EPHB1: variants seen among roughly 807,000 people sequenced by gnomAD.
The protein encoded by EPHB1 is EPH receptor B1, also known as ephrin type-B receptor 1.
Under a neutral mutation model 94.4 loss-of-function variants are expected in EPHB1, and 30 were observed. The ratio of observed to expected loss-of-function variants is 0.32; its 90% CI spans 0.24 to 0.43. The LOEUF (loss-of-function observed/expected upper bound fraction) is 0.43, where lower values mean the gene tolerates loss of function less well. Ranked by LOEUF, EPHB1 falls within the 20% of genes least tolerant of loss-of-function variation. EPHB1 has a pLI of 1.00. For missense variants in EPHB1, 1,055 were observed against 1,308.3 expected, an observed-to-expected ratio of 0.81 and a Z score of 2.99; for synonymous variants, 522 against 489.1, an observed-to-expected ratio of 1.07 and a Z score of -0.89.
intron 1 of EPHB1, among the ~76,000 whole-genome samples, chr3:134,882,775 T>TTTCG: frequency 3.0e-5 from 1 of 33,412 alleles, no homozygotes; most frequent in East Asian, 7.1e-4. Flanking sequence ...CCTTTCTTTC[T>TTTCG]TTCTTTCTTT....
intron 10 of EPHB1, among the ~76,000 whole-genome samples, chr3:135,183,651 A>T (rs1942251624): frequency 6.6e-6 from 1 of 152,168 alleles, no homozygotes; most frequent in African/African-American, 2.4e-5. Context: ...TGGAGATGGG[A>T]GAGAAGGCTT....
chr3:135,042,420 A>G (rs1936880573), intron 3 of EPHB1, among the ~76,000 whole-genome samples: 1 of 152,266 alleles, frequency 6.6e-6, no homozygotes, highest in Non-Finnish European at 1.5e-5. Context: ...GATTTTTCAC[A>G]AAGAACAGTA....
chr3:135,173,623 G>A (rs1408559259), intron 9 of EPHB1, among the ~76,000 whole-genome samples: 1 of 152,138 alleles, frequency 6.6e-6, no homozygotes, highest in East Asian at 1.9e-4. Context: ...AGAGGTCGGT[G>A]GGGCAGACTA....
chr3:134,842,978 A>G (rs977168355), intron 1 of EPHB1, among the ~76,000 whole-genome samples: 11 of 152,162 alleles, frequency 7.2e-5, no homozygotes, highest in Admixed American at 7.2e-4. Context: ...TACCATTTCC[A>G]GTGCTTTTCA....
intron 1 of EPHB1, among the ~76,000 whole-genome samples, chr3:134,896,869 C>A (rs970246619): frequency 6.6e-6 from 1 of 152,210 alleles, no homozygotes; most frequent in Non-Finnish European, 1.5e-5. Context: ...TGGAGGTTGG[C>A]GAAGGGTGAG....
intron 2 of EPHB1, among the ~76,000 whole-genome samples, chr3:134,941,752 G>GACAC (rs3067391): frequency 0.067 from 9,031 of 134,674 alleles, 390 homozygotes; most frequent in Admixed American, 0.12. Flanking sequence ...TATGCACACA[G>GACAC]ACACACACAC....
intron 13 of EPHB1, among the ~76,000 whole-genome samples, chr3:135,243,089 A>G (rs1177251150): frequency 7.8e-5 from 7 of 89,624 alleles, no homozygotes; most frequent in African/African-American, 1.5e-4. Flanking sequence ...AAAAAAAAAA[A>G]AAAAAGAAAA....
intron 2 of EPHB1, among the ~76,000 whole-genome samples, chr3:134,928,215 A>G (rs2038832693): frequency 6.6e-6 from 1 of 152,074 alleles, no homozygotes; most frequent in South Asian, 2.1e-4. Flanking sequence ...CTGATTCTTG[A>G]CTTCTCCTTT....
intron 10 of EPHB1, among the ~76,000 whole-genome samples, chr3:135,187,639 G>T (rs1411779571): frequency 6.6e-6 from 1 of 152,080 alleles, no homozygotes; most frequent in Admixed American, 6.5e-5. Context: ...ATCGACTCCT[G>T]CCTCTCTATA....
intron 10 of EPHB1, among the ~76,000 whole-genome samples, chr3:135,181,903 T>C (rs116522870): frequency 1.7e-3 from 265 of 152,308 alleles, no homozygotes; most frequent in African/African-American, 5.8e-3. Flanking sequence ...TCATGTGATA[T>C]TGGGGAGAAA....
chr3:135,172,575 A>G (rs1941835557), intron 9 of EPHB1, among the ~76,000 whole-genome samples: 1 of 152,230 alleles, frequency 6.6e-6, no homozygotes, highest in African/African-American at 2.4e-5. Context: ...TCTGTATTTC[A>G]GAACTGCAAG....
intron 2 of EPHB1, among the ~76,000 whole-genome samples, chr3:134,930,689 T>G (rs2038888804): frequency 6.6e-6 from 1 of 152,212 alleles, no homozygotes; most frequent in African/African-American, 2.4e-5. Context: ...CCAGGTCTGC[T>G]CCAGTTCCTA....
At chr3:135,193,011 G>A (rs2107710209) in intron 11 of EPHB1, among the ~76,000 whole-genome samples, 188 bp downstream of exon 11, 1 of 152,312 alleles carries the variant, frequency 6.6e-6, no homozygotes, top group African/African-American at 2.4e-5. Context: ...ATCCTCAGGA[G>A]GAGGATGGCA....
chr3:134,959,835 G>T (rs926872009), intron 3 of EPHB1, among the ~76,000 whole-genome samples: 1 of 152,130 alleles, frequency 6.6e-6, no homozygotes, highest in African/African-American at 2.4e-5. Context: ...CAAGGACCCT[G>T]CATGGGCCTG....
rs376569205 is a variant in EPHB1, at chr3:135,248,276, C to T, written c.2497-40C>T. ...TAATTTGTGAGTGACTGGCTGGTGG[C>T]AGTCACTCAATCACACCTGTTCCCT... On this transcript the variant is annotated intron_variant, in intron 13 of 15. Coordinates refer to ENST00000398015, the MANE Select transcript of EPHB1 (RefSeq NM_004441.5). The T allele has an allele frequency of 2.9e-5, 43 of 1,485,928 alleles. No individual in the cohort carries two copies. The African/African-American group carries it at 5.7e-4, about 20-fold the overall frequency. The allele number at this position is 1,485,928 out of a possible 1,614,324, so 92.0% of individuals were successfully genotyped here.
intron 10 of EPHB1, among the ~76,000 whole-genome samples, chr3:135,184,798 G>A (rs1440605380): frequency 1.3e-5 from 2 of 152,208 alleles, no homozygotes; most frequent in Non-Finnish European, 2.9e-5. Flanking sequence ...GAGGGCAGCA[G>A]GTTACCTTGG....
At chr3:135,079,613 C>G (rs999693959) in intron 3 of EPHB1, among the ~76,000 whole-genome samples, 1 of 152,182 alleles carries the variant, frequency 6.6e-6, no homozygotes, top group South Asian at 2.1e-4. Context: ...GGAGTCCTGC[C>G]GTCCTGAGCT....
At chr3:135,230,569 A>G (rs1396883140) in intron 12 of EPHB1, among the ~76,000 whole-genome samples, 23 of 152,206 alleles carry the variant, frequency 1.5e-4, no homozygotes, top group Admixed American at 1.5e-3. Flanking sequence ...CAAGATCTAA[A>G]TTAGGGTAAT....
At chr3:135,135,053 C>T (rs1430220931) in intron 5 of EPHB1, among the ~76,000 whole-genome samples, 1 of 152,090 alleles carries the variant, frequency 6.6e-6, no homozygotes, top group Non-Finnish European at 1.5e-5. Flanking sequence ...CCCTTTTGCA[C>T]CTCCATGAGC....
Sources: gnomAD v4.1 joint callset for allele counts (sites outside exome capture counted in the v4.1 genomes callset) on GRCh38, gnomAD v4.1.1 for gene constraint, MANE v1.5 for transcripts, NCBI Gene and HGNC (gene_info 2026-07-23, HGNC 2026-07-21) for gene names.